The following PTPRZ1 variants were observed in gnomAD, a reference collection of about 807,000 sequenced individuals.
The protein encoded by PTPRZ1 is protein tyrosine phosphatase receptor type Z1.
A neutral mutation model predicts 214.1 loss-of-function variants in PTPRZ1; 82 were observed. The ratio of observed to expected loss-of-function variants is 0.38; its 90% CI spans 0.32 to 0.46. PTPRZ1 has a LOEUF of 0.46. Among genes scored for constraint, PTPRZ1 ranks in the 20% least tolerant of loss-of-function variants. The pLI is 1.00. For synonymous variants in PTPRZ1, 945 were observed against 987.9 expected (o/e 0.96, Z 0.81); for missense variants, 2,603 against 2,748.7 (o/e 0.95, Z 1.19).
intron 27 of PTPRZ1, 109 bp downstream of exon 27, chr7:122,055,196 C>T: frequency 1.1e-6 from 1 of 924,130 alleles, no homozygotes; most frequent in Non-Finnish European, 1.5e-6. Flanking sequence ...ATTTTTTCCC[C>T]ATTGAGACAA....
intron 10 of PTPRZ1, 81 bp downstream of exon 10, chr7:121,998,087 C>T: frequency 2.1e-6 from 3 of 1,442,834 alleles, no homozygotes; most frequent in Non-Finnish European, 2.8e-6. Flanking sequence ...TGCTTTCTCT[C>T]TATATTCTTT....
chr7:121,886,714 A>G (rs1036932546), intron 1 of PTPRZ1, among the ~76,000 whole-genome samples: 2 of 152,200 alleles, frequency 1.3e-5, no homozygotes, highest in Non-Finnish European at 2.9e-5. Context: ...TTCCTTTTAC[A>G]TAATGTATTT....
intron 14 of PTPRZ1, 28 bp from the exon 15 acceptor site, chr7:122,031,446 C>G (rs969172076): frequency 6.5e-7 from 1 of 1,542,448 alleles, no homozygotes; most frequent in African/African-American, 1.4e-5. Context: ...AAATTATGCT[C>G]TCTAACACAA....
At chr7:121,985,038 G>T (rs1443898714) in intron 8 of PTPRZ1, among the ~76,000 whole-genome samples, 2 of 151,906 alleles carry the variant, frequency 1.3e-5, no homozygotes, top group Non-Finnish European at 2.9e-5. Context: ...ATAATCATCT[G>T]CTTTTGAAGA....
intron 1 of PTPRZ1, among the ~76,000 whole-genome samples, chr7:121,906,467 T>G (rs1795119432): frequency 6.6e-6 from 1 of 152,204 alleles, no homozygotes; most frequent in African/African-American, 2.4e-5. Flanking sequence ...TTATAAATTT[T>G]GTTTGATTGT....
chr7:122,049,626 A>G lies in PTPRZ1; in HGVS notation c.6085-1802A>G, dbSNP rs111531259. Among the ~76,000 whole-genome samples, 626 of 152,256 alleles carry G rather than the reference A, an allele frequency of 4.1e-3. 6 individuals are homozygous for G. The highest frequency in any genetic ancestry group is 0.014 in the African/African-American group (594 of 41,580). ...ATGTGCAGTAAATATAGAGAAATTTATAAAAGTGAATTGAAGAGCATAAAA... is the reference window on the plus strand; with the variant it reads ...ATGTGCAGTAAATATAGAGAAATTTGTAAAAGTGAATTGAAGAGCATAAAA... On this transcript the variant is annotated intron_variant, in intron 23 of 29. Coordinates refer to ENST00000393386, the MANE Select transcript of PTPRZ1 (RefSeq NM_002851.3).
At chr7:122,014,558 C>A (rs1178724068) in intron 12 of PTPRZ1, among the ~76,000 whole-genome samples, 1 of 152,100 alleles carries the variant, frequency 6.6e-6, no homozygotes, top group Non-Finnish European at 1.5e-5. Flanking sequence ...CCTGCCTCAG[C>A]CTCCCGAGTA....
At chr7:122,031,443 G>T (rs1562872585) in intron 14 of PTPRZ1, 31 bp from the exon 15 acceptor site, 3 of 1,493,356 alleles carry the variant, frequency 2.0e-6, no homozygotes, top group East Asian at 2.3e-5. Context: ...GTTAAATTAT[G>T]CTCTCTAACA....
At chr7:121,926,608 A>G (rs1795771960) in intron 1 of PTPRZ1, among the ~76,000 whole-genome samples, 1 of 152,222 alleles carries the variant, frequency 6.6e-6, no homozygotes, top group Non-Finnish European at 1.5e-5. Context: ...TCAAATCTAT[A>G]TAGTCAAAAA....
chr7:121,963,964 G>A (rs949836627), intron 2 of PTPRZ1, among the ~76,000 whole-genome samples: 3 of 151,936 alleles, frequency 2.0e-5, no homozygotes, highest in Non-Finnish European at 4.4e-5. Flanking sequence ...CAGACTTCAG[G>A]TATCTCTGAT....
intron 2 of PTPRZ1, among the ~76,000 whole-genome samples, chr7:121,941,354 GTTGT>G (rs1796235898): frequency 1.3e-5 from 2 of 152,202 alleles, no homozygotes; most frequent in South Asian, 2.1e-4. Flanking sequence ...TTGTTTTTGT[GTTGT>G]TTAAGTGATG....
At chr7:122,017,713 C>A (rs1440883901) in intron 12 of PTPRZ1, among the ~76,000 whole-genome samples, 1 of 151,850 alleles carries the variant, frequency 6.6e-6, no homozygotes, top group East Asian at 1.9e-4. Context: ...AAGTGTGCAC[C>A]ACCACGCCTG....
At chr7:121,874,039 G>GACACACACACAC (rs10640393) in intron 1 of PTPRZ1, among the ~76,000 whole-genome samples, 3,065 of 147,902 alleles carry the variant, frequency 0.021, 124 homozygotes, top group African/African-American at 0.072. Context: ...GTGAATTGCA[G>GACACACACACAC]ACACACACAC....
At chr7:121,922,631 G>A (rs2116349725) in intron 1 of PTPRZ1, among the ~76,000 whole-genome samples, 1 of 152,186 alleles carries the variant, frequency 6.6e-6, no homozygotes, top group Non-Finnish European at 1.5e-5. Flanking sequence ...TTTATTCTCA[G>A]AGAAAAGACT....
chr7:121,948,761 T>A (rs1210466287), intron 2 of PTPRZ1, among the ~76,000 whole-genome samples: 2 of 8,434 alleles, frequency 2.4e-4, no homozygotes, highest in East Asian at 6.6e-3. Context: ...ATACAATCCA[T>A]TTTTTTTTTT....
intron 18 of PTPRZ1, among the ~76,000 whole-genome samples, chr7:122,037,486 A>AATT (rs1289077825): frequency 2.4e-4 from 36 of 152,198 alleles, no homozygotes; most frequent in African/African-American, 8.7e-4. Context: ...GGGACTCTCC[A>AATT]GAGACTGTAG....
intron 2 of PTPRZ1, among the ~76,000 whole-genome samples, chr7:121,949,218 A>G (rs946853799): frequency 6.6e-6 from 1 of 152,184 alleles, no homozygotes; most frequent in African/African-American, 2.4e-5. Flanking sequence ...TGAGTTTCTT[A>G]TTAGCCTCCC....
Position 122,012,866 on chromosome 7 carries a change from T to A in PTPRZ1, c.3820T>A (p.Leu1274Ile). The A allele has an allele frequency of 1.2e-6, 2 of 1,614,146 alleles. No individual in the cohort carries two copies. Among genetic ancestry groups the A allele is most frequent in the Non-Finnish European group, 8.5e-7 (1 of 1,179,990 alleles). ...AAGTGAGAAATATGAACCAGTTTTGTTAAAAAGTGAAAGTTCCCACCAAGT... is the reference window on the plus strand; with the variant it reads ...AAGTGAGAAATATGAACCAGTTTTGATAAAAAGTGAAAGTTCCCACCAAGT... ...YASEKYEPVL[L>I]KSESSHQVVP... The change falls in exon 12 of 30, where the codon TTA becomes ATA. Residue 1274 changes from leucine to isoleucine, a missense_variant. By Grantham distance (5) the Leu-to-Ile change is conservative. Transcript: ENST00000393386.
intron 11 of PTPRZ1, among the ~76,000 whole-genome samples, 170 bp from the exon 12 acceptor site, chr7:122,010,164 G>A (rs966821225): frequency 1.3e-5 from 2 of 152,144 alleles, no homozygotes; most frequent in African/African-American, 4.8e-5. Flanking sequence ...CTCCCCTGTA[G>A]AGCGGATGGT....
Sources: gnomAD v4.1 joint callset for allele counts (sites outside exome capture counted in the v4.1 genomes callset) on GRCh38, gnomAD v4.1.1 for gene constraint, MANE v1.5 for transcripts, NCBI Gene and HGNC (gene_info 2026-07-23, HGNC 2026-07-21) for gene names.